Variants in RBMS3 observed in about 807,000 individuals in gnomAD.
RBMS3 encodes the protein RNA binding motif single stranded interacting protein 3.
RBMS3 carries 27 observed loss-of-function variants against 66.8 expected under a neutral mutation model. The ratio of observed to expected loss-of-function variants is 0.40; its 90% CI spans 0.30 to 0.56. The LOEUF (loss-of-function observed/expected upper bound fraction) is 0.56. RBMS3 is among the 20% of genes least tolerant of loss of function. The pLI is 0.40. For synonymous variants in RBMS3, 188 were observed against 183.0 expected, an observed-to-expected ratio of 1.03 and a Z score of -0.22; for missense variants, 513 against 549.5, an observed-to-expected ratio of 0.93 and a Z score of 0.66.
chr3:29,990,474 A>C (rs1386988345), intron 13 of RBMS3, among the ~76,000 whole-genome samples: 4 of 151,368 alleles, frequency 2.6e-5, no homozygotes, highest in Non-Finnish European at 4.4e-5. Context: ...AAAAAAAAAA[A>C]AAAAAAAAAT....
intron 2 of RBMS3, among the ~76,000 whole-genome samples, chr3:29,452,299 A>G (rs2042041609): frequency 1.3e-5 from 2 of 152,200 alleles, no homozygotes; most frequent in Non-Finnish European, 2.9e-5. Context: ...GCATAGATAT[A>G]CAGTCTTGCC....
chr3:29,400,778 A>G (rs1362044421), intron 1 of RBMS3, among the ~76,000 whole-genome samples: 2 of 152,046 alleles, frequency 1.3e-5, no homozygotes, highest in African/African-American at 4.8e-5. Flanking sequence ...GATGTTTTCA[A>G]GTTTTACAGG....
intron 3 of RBMS3, among the ~76,000 whole-genome samples, chr3:29,573,962 T>C (rs1576266587): frequency 6.6e-6 from 1 of 152,268 alleles, no homozygotes; most frequent in Non-Finnish European, 1.5e-5. Context: ...GTTTTAAGGT[T>C]TGTTTTGTGA....
intron 4 of RBMS3, among the ~76,000 whole-genome samples, chr3:29,733,267 A>G (rs968851265): frequency 3.9e-5 from 6 of 152,096 alleles, no homozygotes; most frequent in Admixed American, 3.9e-4. Context: ...TTCACCCAGT[A>G]GTTAAAAAAT....
chr3:29,600,100 T>C (rs915136829), intron 4 of RBMS3, among the ~76,000 whole-genome samples: 5 of 152,102 alleles, frequency 3.3e-5, no homozygotes, highest in African/African-American at 4.8e-5. Flanking sequence ...AAGTTACGAA[T>C]TGTTGTGGAA....
chr3:29,707,973 T>C (rs756421234), intron 4 of RBMS3, among the ~76,000 whole-genome samples: 20 of 152,354 alleles, frequency 1.3e-4, no homozygotes, highest in African/African-American at 4.8e-4. Flanking sequence ...GCCTGTGGGA[T>C]GGCCCTCAAG....
chr3:29,511,603 A>C (rs1037905503), intron 3 of RBMS3, among the ~76,000 whole-genome samples: 3 of 152,186 alleles, frequency 2.0e-5, no homozygotes, highest in Admixed American at 1.3e-4. Flanking sequence ...TGTTGGAAAT[A>C]AAGGGGAGCC....
At chr3:29,903,303 A>G (rs918149708) in intron 10 of RBMS3, 5 of 151,916 alleles carry the variant, frequency 3.3e-5, no homozygotes, top group African/African-American at 9.7e-5. Flanking sequence ...GCCTTTTGTT[A>G]TTGTTCACCT....
chr3:29,320,794 T>C (rs1443683210), intron 1 of RBMS3, among the ~76,000 whole-genome samples: 1 of 151,942 alleles, frequency 6.6e-6, no homozygotes, highest in Non-Finnish European at 1.5e-5. Flanking sequence ...TATTAAGAGG[T>C]ACAGAAATGC....
intron 4 of RBMS3, among the ~76,000 whole-genome samples, chr3:29,702,223 C>G (rs1432779759): frequency 1.3e-5 from 2 of 152,058 alleles, no homozygotes; most frequent in African/African-American, 4.8e-5. Context: ...ATCCACCAAT[C>G]AGCACCCTGT....
chr3:29,620,224 G>T (rs1242272241), intron 4 of RBMS3, among the ~76,000 whole-genome samples: 1 of 152,054 alleles, frequency 6.6e-6, no homozygotes, highest in Non-Finnish European at 1.5e-5. Context: ...TTAATGCTTA[G>T]ATTAACATGC....
chr3:29,325,064 G>T (rs1207708460), intron 1 of RBMS3, among the ~76,000 whole-genome samples: 1 of 152,062 alleles, frequency 6.6e-6, no homozygotes, highest in Non-Finnish European at 1.5e-5. Context: ...CCATTAATAG[G>T]GGACAAATTG....
intron 1 of RBMS3, among the ~76,000 whole-genome samples, chr3:29,324,295 TC>T (rs773774726): frequency 6.6e-6 from 1 of 152,190 alleles, no homozygotes; most frequent in Non-Finnish European, 1.5e-5. Context: ...CTTTCCTTTT[TC>T]AGTTTCTTTT....
At chr3:29,625,316 G>A (rs1355692019) in intron 4 of RBMS3, among the ~76,000 whole-genome samples, 1 of 152,028 alleles carries the variant, frequency 6.6e-6, no homozygotes, top group East Asian at 1.9e-4. Flanking sequence ...TATTTCTGTG[G>A]CATTTTTGTA....
intron 4 of RBMS3, among the ~76,000 whole-genome samples, chr3:29,697,811 G>A (rs908540561): frequency 2.6e-5 from 4 of 152,190 alleles, no homozygotes; most frequent in African/African-American, 9.6e-5. Context: ...AAGATCAGAT[G>A]TGGAATTTTG....
rs143689755 is a variant in RBMS3, at chr3:29,291,341, C to T, written c.75+9585C>T. On this transcript the variant is annotated intron_variant, in intron 1 of 14. Coordinates refer to ENST00000383767, the MANE Select transcript of RBMS3 (RefSeq NM_001003793.3). Reference sequence around the variant, plus strand: ...CTGTATTTTAGTAATCCCAAATTTCCGGGGAGGGACATGTGGTAGAACAGC... The same window carrying T: ...CTGTATTTTAGTAATCCCAAATTTCTGGGGAGGGACATGTGGTAGAACAGC... Among the ~76,000 whole-genome samples, 35 of 151,908 alleles carry T rather than the reference C, an allele frequency of 2.3e-4. No individual in the cohort carries two copies. In the East Asian group the frequency reaches 6.6e-3, roughly 29 times the overall value.
chr3:29,832,315 T>G (rs2149490073), intron 6 of RBMS3, among the ~76,000 whole-genome samples: 1 of 152,228 alleles, frequency 6.6e-6, no homozygotes, highest in East Asian at 1.9e-4. Context: ...AATAAATCTA[T>G]AAAGCACTAA....
chr3:29,376,462 C>T (rs1007139261), intron 1 of RBMS3, among the ~76,000 whole-genome samples: 16 of 152,138 alleles, frequency 1.1e-4, no homozygotes, highest in Non-Finnish European at 2.2e-4. Context: ...GAATGTTTCA[C>T]GGGAGCAGTT....
intron 5 of RBMS3, among the ~76,000 whole-genome samples, chr3:29,759,713 TC>T (rs3836346): frequency 0.47 from 71,167 of 151,480 alleles, 17,210 homozygotes; most frequent in African/African-American, 0.58. Flanking sequence ...GTCTCTTTCC[TC>T]CCCCCCCAGA....
Sources: allele counts gnomAD v4.1 joint callset (sites outside exome capture counted in the v4.1 genomes callset), GRCh38; gene constraint gnomAD v4.1.1; transcripts MANE v1.5; gene names NCBI Gene and HGNC (gene_info 2026-07-23, HGNC 2026-07-21).